Variants in EYA4 observed in about 807,000 individuals in gnomAD.
The protein encoded by EYA4 is EYA transcriptional coactivator and phosphatase 4, also known as protein phosphatase EYA4.
Under a neutral mutation model 87.9 loss-of-function variants are expected in EYA4, and 31 were observed. The observed-to-expected ratio is 0.35, with a 90% confidence interval of 0.27 to 0.48. The LOEUF (loss-of-function observed/expected upper bound fraction) is 0.48. Among genes scored for constraint, EYA4 ranks in the 20% least tolerant of loss-of-function variants. The probability of loss-of-function intolerance (pLI) is 0.99; values close to 1 mark genes in which losing one functional copy is unlikely to be tolerated. For missense variants in EYA4, 678 were observed against 761.4 expected, an observed-to-expected ratio of 0.89 and a Z score of 1.29; for synonymous variants, 263 against 270.6, an observed-to-expected ratio of 0.97 and a Z score of 0.28.
chr6:133,390,287 T>C (rs902282277), intron 3 of EYA4, among the ~76,000 whole-genome samples: 7 of 152,126 alleles, frequency 4.6e-5, no homozygotes, highest in African/African-American at 1.7e-4. Context: ...TGGCAGAATC[T>C]CGGCTCACTG....
At chr6:133,361,932 A>G (rs1274584538) in intron 2 of EYA4, among the ~76,000 whole-genome samples, 1 of 152,210 alleles carries the variant, frequency 6.6e-6, no homozygotes, top group African/African-American at 2.4e-5. Flanking sequence ...AGATCCACCC[A>G]TTGTGACAAG....
intron 11 of EYA4, among the ~76,000 whole-genome samples, chr6:133,474,265 G>A (rs188052368): frequency 6.6e-6 from 1 of 152,016 alleles, no homozygotes; most frequent in African/African-American, 2.4e-5. Context: ...TGTGTAAAAT[G>A]TTGCTTTTGC....
intron 13 of EYA4, among the ~76,000 whole-genome samples, chr6:133,484,532 T>A (rs1394399663): frequency 6.6e-6 from 1 of 152,182 alleles, no homozygotes; most frequent in East Asian, 1.9e-4. Context: ...TTACAAGAAG[T>A]GTTAGCCCCT....
chr6:133,445,793 G>T (rs760344779), intron 3 of EYA4, among the ~76,000 whole-genome samples: 2 of 151,994 alleles, frequency 1.3e-5, no homozygotes, highest in Non-Finnish European at 2.9e-5. Flanking sequence ...TGTTAGCCAG[G>T]ATGGTCTCGA....
chr6:133,328,334 C>G lies in EYA4; in HGVS notation c.33+53521C>G, dbSNP rs75880864. On this transcript the variant is annotated intron_variant, in intron 2 of 19. Coordinates refer to ENST00000355286, the MANE Select transcript of EYA4 (RefSeq NM_004100.5). ...CACATGGTTTTAAATCACTCCTCCA[C>G]CATTTGCTAGCTGTGTGGCTGTCAG... Among the ~76,000 whole-genome samples the G allele has an allele frequency of 0.012, 1,844 of 152,224 alleles. 175 individuals carry two copies. The East Asian group carries it at 0.25, about 20-fold the overall frequency.
intron 2 of EYA4, among the ~76,000 whole-genome samples, chr6:133,372,372 G>GT (rs1226199529): frequency 6.6e-6 from 1 of 152,008 alleles, no homozygotes; most frequent in African/African-American, 2.4e-5. Context: ...TACAGTCAGT[G>GT]TCTTATTAAC....
intron 3 of EYA4, among the ~76,000 whole-genome samples, chr6:133,444,539 G>A (rs188371058): frequency 3.3e-5 from 5 of 152,162 alleles, no homozygotes; most frequent in African/African-American, 1.2e-4. Flanking sequence ...ATTCAGAGAC[G>A]TTGATCTGTA....
chr6:133,385,391 CTGTGTGTGTGTGTGTGTGTGTGTGTG>C (rs66881281), intron 3 of EYA4, among the ~76,000 whole-genome samples: 2 of 115,336 alleles, frequency 1.7e-5, no homozygotes, highest in African/African-American at 6.9e-5. Context: ...TATGCTCTCT[CTGTGTGTGTGTGTGTGTGTGTGTGTG>C]TGTGTGTGTG....
At chr6:133,387,532 A>G (rs1227104899) in intron 3 of EYA4, among the ~76,000 whole-genome samples, 1 of 152,204 alleles carries the variant, frequency 6.6e-6, no homozygotes, top group Non-Finnish European at 1.5e-5. Flanking sequence ...AGACCACAGA[A>G]TTGGGTAACC....
chr6:133,385,391 C>CTGTGTG lies in EYA4; in HGVS notation c.83+2995_83+3000dup, dbSNP rs66881281. On this transcript the variant is annotated intron_variant, in intron 3 of 19. Transcript: ENST00000355286. ...CTCTGTGTGTGTATGTATGCTCTCTCTGTGTGTGTGTGTGTGTGTGTGTGT... is the reference window on the plus strand; with the variant it reads ...CTCTGTGTGTGTATGTATGCTCTCTCTGTGTGTGTGTGTGTGTGTGTGTGTGTGTGT... Among the ~76,000 whole-genome samples, 533 of 115,314 alleles carry CTGTGTG rather than the reference C, an allele frequency of 4.6e-3. 4 individuals carry two copies. Among genetic ancestry groups the CTGTGTG allele is most frequent in the African/African-American group, 0.013 (381 of 28,920 alleles). The allele number at this position is 115,314 out of a possible 152,430, so 75.7% of individuals were successfully genotyped here.
intron 2 of EYA4, among the ~76,000 whole-genome samples, chr6:133,377,589 T>G (rs1785812498): frequency 1.4e-5 from 2 of 143,616 alleles, no homozygotes; most frequent in South Asian, 2.3e-4. Flanking sequence ...TTTTTTTGGC[T>G]GTTTTTGGGG....
rs1800987018 is a variant in EYA4, at chr6:133,531,152, G to A, written c.*2347G>A. 5 of 1,531,910 alleles carry A rather than the reference G, an allele frequency of 3.3e-6. No individual in the cohort carries two copies. In the East Asian group the frequency reaches 1.2e-4, roughly 38 times the overall value. 94.9% of individuals were successfully genotyped at this position (1,531,910 alleles called of 1,614,324 possible). A position where few individuals can be genotyped will look rare whatever the true frequency, so the allele number is the denominator to read the frequency against. On this transcript the variant is annotated 3_prime_UTR_variant, in exon 20 of 20. Coordinates refer to ENST00000355286, the MANE Select transcript of EYA4 (RefSeq NM_004100.5). ...TGGAAGGGCAAAGAGAAGCCGGCTG[G>A]TTGCATCACCCCGTGCAGTTTCTCA...
intron 2 of EYA4, among the ~76,000 whole-genome samples, chr6:133,328,081 C>T (rs552592907): frequency 2.0e-5 from 3 of 152,242 alleles, no homozygotes; most frequent in African/African-American, 7.2e-5. Context: ...AAGAGCAGTA[C>T]CAAGAAGTCA....
chr6:133,357,249 C>T (rs1490523469), intron 2 of EYA4, among the ~76,000 whole-genome samples: 28 of 115,114 alleles, frequency 2.4e-4, no homozygotes, highest in Admixed American at 2.1e-3. Flanking sequence ...CCAGCCTGGG[C>T]GACAGAGCGA....
intron 2 of EYA4, among the ~76,000 whole-genome samples, chr6:133,321,671 A>T (rs1369984831): frequency 1.3e-5 from 2 of 152,134 alleles, no homozygotes; most frequent in East Asian, 3.9e-4. Flanking sequence ...ATTAGAATGT[A>T]TTTCTGTGTG....
chr6:133,350,740 T>G (rs1428807567), intron 2 of EYA4, among the ~76,000 whole-genome samples: 1 of 152,094 alleles, frequency 6.6e-6, no homozygotes, highest in African/African-American at 2.4e-5. Context: ...TCTTTTCCAC[T>G]TCAGTGTCAA....
At chr6:133,294,131 T>C (rs1182449244) in intron 2 of EYA4, among the ~76,000 whole-genome samples, 1 of 144,346 alleles carries the variant, frequency 6.9e-6, no homozygotes, top group Non-Finnish European at 1.5e-5. Context: ...ATTATGATAT[T>C]ATGAGTTGCG....
At chr6:133,308,462 G>A (rs1286349726) in intron 2 of EYA4, among the ~76,000 whole-genome samples, 1 of 152,166 alleles carries the variant, frequency 6.6e-6, no homozygotes, top group Non-Finnish European at 1.5e-5. Flanking sequence ...TTGATGCTTA[G>A]GTTTGGGGTT....
Position 133,512,705 on chromosome 6 carries a change from C to G in EYA4, c.1282-16C>G. 6.3e-7 allele frequency: 1 copy of G among 1,597,430 alleles called. No homozygotes were observed. The highest frequency in any genetic ancestry group is 8.6e-7 in the Non-Finnish European group (1 of 1,164,900). ...ATCATTTAGAAAACAAATAACTTTT[C>G]CAATGTTTTTAACAGGAGTGTGATC... On this transcript the variant is annotated splice_polypyrimidine_tract_variant and intron_variant, in intron 14 of 19. Coordinates refer to ENST00000355286, the MANE Select transcript of EYA4 (RefSeq NM_004100.5).
Sources: gnomAD v4.1 joint callset for allele counts (sites outside exome capture counted in the v4.1 genomes callset) on GRCh38, gnomAD v4.1.1 for gene constraint, MANE v1.5 for transcripts, NCBI Gene and HGNC (gene_info 2026-07-23, HGNC 2026-07-21) for gene names.